Variants in TAFA1 observed in about 807,000 individuals in gnomAD.
TAFA1 encodes the protein TAFA chemokine like family member 1, also known as chemokine-like protein TAFA-1.
A neutral mutation model predicts 18.5 loss-of-function variants in TAFA1; 4 were observed. That is an observed-to-expected ratio of 0.22 (90% CI 0.11 to 0.49). The LOEUF (loss-of-function observed/expected upper bound fraction) is 0.49, where lower values mean the gene tolerates loss of function less well. Ranked by LOEUF, TAFA1 falls within the 20% of genes least tolerant of loss-of-function variation. The probability of loss-of-function intolerance (pLI) is 0.98; values close to 1 mark genes in which losing one functional copy is unlikely to be tolerated. For synonymous variants in TAFA1, 56 were observed against 55.2 expected (o/e 1.01, Z -0.06); for missense variants, 147 against 169.0 (o/e 0.87, Z 0.72).
At chr3:68,303,249 C>A (rs939286767) in intron 2 of TAFA1, among the ~76,000 whole-genome samples, 2 of 152,122 alleles carry the variant, frequency 1.3e-5, no homozygotes, top group African/African-American at 2.4e-5. Context: ...GCTTCTAGAA[C>A]CACATTGCTT....
At chr3:68,193,461 A>G (rs1003988116) in intron 2 of TAFA1, among the ~76,000 whole-genome samples, 2 of 151,784 alleles carry the variant, frequency 1.3e-5, no homozygotes, top group African/African-American at 4.8e-5. Flanking sequence ...AGCAAACAAG[A>G]AAACAGAAAA....
intron 2 of TAFA1, among the ~76,000 whole-genome samples, chr3:68,404,154 A>G (rs956413775): frequency 3.9e-5 from 6 of 152,220 alleles, no homozygotes; most frequent in African/African-American, 1.4e-4. Context: ...AAGAAAAGAA[A>G]GCTTGTATGA....
chr3:68,526,791 T>A (rs555578036), intron 3 of TAFA1, among the ~76,000 whole-genome samples: 2 of 152,084 alleles, frequency 1.3e-5, no homozygotes. Flanking sequence ...GAATCATGAG[T>A]GATAATTTTT....
chr3:68,542,730 AT>A (rs1359715695), intron 4 of TAFA1, among the ~76,000 whole-genome samples: 2 of 152,098 alleles, frequency 1.3e-5, no homozygotes, highest in African/African-American at 4.8e-5. Context: ...AAAGAAGCAA[AT>A]TTTTAAAGGT....
intron 2 of TAFA1, among the ~76,000 whole-genome samples, chr3:68,239,150 A>T (rs1220508086): frequency 6.6e-6 from 1 of 152,164 alleles, no homozygotes; most frequent in East Asian, 1.9e-4. Context: ...ACTTTTATGT[A>T]TACCTCAAAT....
At chr3:68,165,315 C>A (rs1226059129) in intron 2 of TAFA1, among the ~76,000 whole-genome samples, 1 of 152,178 alleles carries the variant, frequency 6.6e-6, no homozygotes, top group Non-Finnish European at 1.5e-5. Context: ...TAAGCAACTC[C>A]CATGCACACA....
chr3:68,080,348 C>G (rs1182859029), intron 2 of TAFA1, among the ~76,000 whole-genome samples: 1 of 151,502 alleles, frequency 6.6e-6, no homozygotes, highest in African/African-American at 2.4e-5. Flanking sequence ...GAATTTGATC[C>G]TGTCATTATG....
chr3:68,530,691 C>G (rs1012532367), intron 3 of TAFA1, among the ~76,000 whole-genome samples: 1 of 152,048 alleles, frequency 6.6e-6, no homozygotes, highest in Non-Finnish European at 1.5e-5. Context: ...TTTCTCATGG[C>G]TTCGAAAATG....
intron 2 of TAFA1, among the ~76,000 whole-genome samples, chr3:68,175,769 G>A (rs760173953): frequency 6.6e-6 from 1 of 152,136 alleles, no homozygotes; most frequent in Non-Finnish European, 1.5e-5. Flanking sequence ...TTTGGGGGAT[G>A]GTTGGGAAGG....
chr3:68,194,168 A>G (rs975530950), intron 2 of TAFA1, among the ~76,000 whole-genome samples: 2 of 151,734 alleles, frequency 1.3e-5, no homozygotes, highest in Non-Finnish European at 2.9e-5. Context: ...GATCAAAGCA[A>G]GTAGAATGGC....
chr3:68,033,982 T>C (rs1170586306), intron 2 of TAFA1, among the ~76,000 whole-genome samples: 1 of 152,168 alleles, frequency 6.6e-6, no homozygotes, highest in Admixed American at 6.6e-5. Context: ...ATAATCACAC[T>C]GTAAGGAAGC....
At chr3:68,417,501 G>A (rs922300550) in intron 3 of TAFA1, 81 bp downstream of exon 3, 29 of 1,340,508 alleles carry the variant, frequency 2.2e-5, no homozygotes, top group Non-Finnish European at 2.9e-5. Flanking sequence ...ATCTAATATG[G>A]TTCCAGATAA....
At chr3:68,005,131 T>C (rs1035092264) in intron 1 of TAFA1, among the ~76,000 whole-genome samples, 3 of 152,210 alleles carry the variant, frequency 2.0e-5, no homozygotes, top group East Asian at 1.9e-4. Flanking sequence ...TTCTGTAATT[T>C]GCAGGGTATT....
intron 2 of TAFA1, among the ~76,000 whole-genome samples, chr3:68,322,397 CTCAAGGAAGCCGGAGAG>C (rs1235558877): frequency 2.3e-4 from 35 of 152,344 alleles, no homozygotes; most frequent in African/African-American, 7.9e-4. Flanking sequence ...ACATACTTCA[CTCAAGGAAGCCGGAGAG>C]TCAAGTATGT....
At position 68,417,344 on chromosome 3, in the gene TAFA1, G is replaced by T. The variant is rs1282122685; in HGVS notation, c.183G>T (p.Arg61=). 1.9e-6 allele frequency: 3 copies of T among 1,613,414 alleles called. No homozygotes were observed. Among genetic ancestry groups the T allele is most frequent in the Non-Finnish European group, 1.7e-6 (2 of 1,179,616 alleles). Residue 61 remains arginine (R), a synonymous_variant, in exon 3 of 5, where the codon CGG becomes CGT. Coordinates refer to ENST00000478136, the MANE Select transcript of TAFA1 (RefSeq NM_213609.4). The part of the protein sequence containing the change: ...RCCNKNRIEE[R]SQTVKCSCLP... ...GTAACAAGAATCGCATTGAGGAGCG[G>T]TCACAAACAGTAAAGTGTTCCTGTC... is the stretch of plus-strand genomic sequence containing the variant.
intron 2 of TAFA1, among the ~76,000 whole-genome samples, chr3:68,337,391 C>A (rs963146313): frequency 2.0e-5 from 3 of 152,048 alleles, no homozygotes; most frequent in African/African-American, 7.2e-5. Flanking sequence ...GGAAATCCTC[C>A]CCCATGATCC....
chr3:68,426,422 TG>T (rs2071055513), intron 3 of TAFA1, among the ~76,000 whole-genome samples: 1 of 151,990 alleles, frequency 6.6e-6, no homozygotes, highest in African/African-American at 2.4e-5. Flanking sequence ...GATATTATAT[TG>T]TACAGACTGC....
intron 3 of TAFA1, among the ~76,000 whole-genome samples, chr3:68,500,997 C>CA (rs1043827400): frequency 1.3e-5 from 2 of 150,670 alleles, no homozygotes; most frequent in African/African-American, 2.4e-5. Flanking sequence ...ACTAAAAATA[C>CA]AAAAAAAATT....
intron 2 of TAFA1, among the ~76,000 whole-genome samples, chr3:68,148,225 T>C (rs949949039): frequency 2.0e-5 from 3 of 152,240 alleles, no homozygotes; most frequent in African/African-American, 7.2e-5. Context: ...CTACATATTG[T>C]GCCACAAATT....
Sources: allele counts gnomAD v4.1 joint callset (sites outside exome capture counted in the v4.1 genomes callset), GRCh38; gene constraint gnomAD v4.1.1; transcripts MANE v1.5; gene names NCBI Gene and HGNC (gene_info 2026-07-23, HGNC 2026-07-21).